Variants in WDR19 observed in about 807,000 individuals in gnomAD.
The protein encoded by WDR19 is WD repeat domain 19, also known as WD repeat-containing protein 19.
WDR19 carries 121 observed loss-of-function variants against 180.0 expected under a neutral mutation model. The observed-to-expected ratio is 0.67, with a 90% CI of 0.58 to 0.78. WDR19 has a LOEUF of 0.78. Among genes scored for constraint, WDR19 ranks in the 30% least tolerant of loss-of-function variants. The pLI, the probability that WDR19 is intolerant of heterozygous loss-of-function variation, is 0.00. For synonymous variants in WDR19, 497 were observed against 540.7 expected, an observed-to-expected ratio of 0.92 and a Z score of 1.12; for missense variants, 1,450 against 1,640.7, an observed-to-expected ratio of 0.88 and a Z score of 2.01.
At chr4:39,202,922 G>C (rs1218056843) in intron 6 of WDR19, among the ~76,000 whole-genome samples, 1 of 151,876 alleles carries the variant, frequency 6.6e-6, no homozygotes, top group Non-Finnish European at 1.5e-5. Flanking sequence ...TTAAAACCTT[G>C]GTAGAGGTTC....
intron 27 of WDR19, 115 bp from the exon 28 acceptor site, chr4:39,257,371 G>A (rs749594325): frequency 5.1e-6 from 5 of 973,676 alleles, no homozygotes; most frequent in Non-Finnish European, 7.8e-6. Flanking sequence ...CCCTGGTTGA[G>A]ATGAAGATAC....
At chr4:39,200,039 A>C (rs1727208568) in intron 6 of WDR19, among the ~76,000 whole-genome samples, 1 of 152,234 alleles carries the variant, frequency 6.6e-6, no homozygotes, top group Admixed American at 6.5e-5. Flanking sequence ...TGTTTCTACT[A>C]TTCACATTTC....
intron 4 of WDR19, among the ~76,000 whole-genome samples, chr4:39,193,026 G>T (rs1726328184): frequency 6.6e-6 from 1 of 152,056 alleles, no homozygotes; most frequent in African/African-American, 2.4e-5. Context: ...CATTATTGCG[G>T]CTACAGCATT....
At chr4:39,273,122 A>T (rs748602733) in intron 32 of WDR19, 61 bp downstream of exon 32, 3 of 1,347,138 alleles carry the variant, frequency 2.2e-6, no homozygotes, top group Non-Finnish European at 3.1e-6. Context: ...ATGCTAGCCC[A>T]GCGCCCCTTT....
At chr4:39,239,943 G>A (rs1048744108) in intron 20 of WDR19, among the ~76,000 whole-genome samples, 2 of 152,108 alleles carry the variant, frequency 1.3e-5, no homozygotes, top group Non-Finnish European at 2.9e-5. Flanking sequence ...GGAGGCCGAG[G>A]TGGTGGATCA....
intron 24 of WDR19, among the ~76,000 whole-genome samples, chr4:39,251,055 A>G (rs1733116801): frequency 6.6e-6 from 1 of 152,132 alleles, no homozygotes; most frequent in African/African-American, 2.4e-5. Flanking sequence ...CGCCAAGTCA[A>G]TCCTAAGCCA....
intron 28 of WDR19, 138 bp from the exon 29 acceptor site, chr4:39,265,925 T>C: frequency 3.1e-6 from 2 of 646,188 alleles, no homozygotes; most frequent in Non-Finnish European, 5.4e-6. Flanking sequence ...CCTGATCCTA[T>C]GTCATATTTC....
intron 4 of WDR19, among the ~76,000 whole-genome samples, chr4:39,191,203 C>T (rs1726113095): frequency 6.6e-6 from 1 of 152,278 alleles, no homozygotes; most frequent in African/African-American, 2.4e-5. Flanking sequence ...TATACAAAAG[C>T]ATACCCACTG....
At chr4:39,201,535 C>G (rs2109289413) in intron 6 of WDR19, among the ~76,000 whole-genome samples, 1 of 152,272 alleles carries the variant, frequency 6.6e-6, no homozygotes. Flanking sequence ...GTTGTTCAAG[C>G]CTGGACTAAC....
At chr4:39,220,463 A>G (rs929828085) in intron 14 of WDR19, among the ~76,000 whole-genome samples, 1 of 150,004 alleles carries the variant, frequency 6.7e-6, no homozygotes, top group Admixed American at 6.6e-5. Context: ...GGACAGATGC[A>G]TGCCACCATG....
At chr4:39,236,837 A>G (rs1456122034) in intron 20 of WDR19, among the ~76,000 whole-genome samples, 1 of 152,172 alleles carries the variant, frequency 6.6e-6, no homozygotes, top group Non-Finnish European at 1.5e-5. Flanking sequence ...AGTGATCTTA[A>G]TTGCTAGACC....
chr4:39,269,963 A>C lies in WDR19; in HGVS notation c.3359-13A>C. 6.2e-7 allele frequency: 1 copy of C among 1,613,018 alleles called. No individual in the cohort carries two copies. The highest frequency in any genetic ancestry group is 8.5e-7 in the Non-Finnish European group (1 of 1,179,294). Reference sequence around the variant, plus strand: ...CCCTTTGCAGTAATGTCGTTTTACCACCTTTTTTCAAGGCAACTACCGGAA... The same window carrying C: ...CCCTTTGCAGTAATGTCGTTTTACCCCCTTTTTTCAAGGCAACTACCGGAA... On this transcript the variant is annotated splice_polypyrimidine_tract_variant and intron_variant, in intron 30 of 36. Transcript: ENST00000399820.
chr4:39,244,265 T>A lies in WDR19; in HGVS notation c.2439T>A (p.Cys813Ter). 1 of 1,612,148 alleles carries A rather than the reference T, an allele frequency of 6.2e-7. No individual in the cohort carries two copies. The highest frequency in any genetic ancestry group is 8.5e-7 in the Non-Finnish European group (1 of 1,178,734). Residue 813 changes from cysteine (C) to a stop codon, truncating the protein, a stop_gained, in exon 22 of 37, where the codon TGT becomes TGA. Coordinates refer to ENST00000399820, the MANE Select transcript of WDR19 (RefSeq NM_025132.4). LOFTEE classifies it high-confidence loss of function. ...TGDNKEHDEA[C>*]LAGVAQMSIR... ...GATTGCAGGAACATGATGAAGCTTG[T>A]CTGGCTGGAGTGGCCCAGATGTCCA...
At chr4:39,200,526 T>A (rs1247589797) in intron 6 of WDR19, among the ~76,000 whole-genome samples, 1 of 152,204 alleles carries the variant, frequency 6.6e-6, no homozygotes, top group African/African-American at 2.4e-5. Flanking sequence ...CAGATTGTTA[T>A]ATTCAGGGCT....
rs77677855 is a variant in WDR19, at chr4:39,282,020, T to A, written c.*13+3357T>A. 8.5e-3 allele frequency among the ~76,000 whole-genome samples: 1,296 copies of A among 152,316 alleles called. 22 individuals carry two copies. The highest frequency in any genetic ancestry group is 0.029 in the African/African-American group (1,225 of 41,568). On this transcript the variant is annotated intron_variant, in intron 36 of 36. Transcript: ENST00000399820. The stretch of plus-strand genomic sequence containing the variant: ...TTACAATCTCTCCCTTCAGGTAAAG[T>A]CTGGACCCTATTATAAAGGGCTCAC...
At chr4:39,283,668 T>C (rs1736821534) in intron 36 of WDR19, among the ~76,000 whole-genome samples, 2 of 152,190 alleles carry the variant, frequency 1.3e-5, no homozygotes, top group Non-Finnish European at 1.5e-5. Context: ...ATAATTTTTC[T>C]TTAGTTGTGT....
chr4:39,244,221 T>G, intron 21 of WDR19, 27 bp from the exon 22 acceptor site: 1 of 1,602,522 alleles, frequency 6.2e-7, no homozygotes. Flanking sequence ...AGAATCTGAT[T>G]TGTTAGTGTT....
intron 4 of WDR19, among the ~76,000 whole-genome samples, chr4:39,192,662 A>G (rs533722027): frequency 6.6e-6 from 1 of 152,168 alleles, no homozygotes; most frequent in South Asian, 2.1e-4. Flanking sequence ...GGGTTCCACC[A>G]TCTTGGCCAG....
chr4:39,194,269 T>A (rs41282371), intron 4 of WDR19, among the ~76,000 whole-genome samples: 66 of 152,206 alleles, frequency 4.3e-4, no homozygotes, highest in Non-Finnish European at 8.5e-4. Context: ...TTAATAAATA[T>A]CTCATCATAG....
Sources: allele counts gnomAD v4.1 joint callset (sites outside exome capture counted in the v4.1 genomes callset), GRCh38; gene constraint gnomAD v4.1.1; transcripts MANE v1.5; gene names NCBI Gene and HGNC (gene_info 2026-07-23, HGNC 2026-07-21).